Variants in ARID5B observed in about 807,000 individuals in gnomAD.
ARID5B encodes the protein AT-rich interactive domain-containing protein 5B.
Under a neutral mutation model 97.2 loss-of-function variants are expected in ARID5B, and 13 were observed. The ratio of observed to expected loss-of-function variants is 0.13; its 90% CI spans 0.09 to 0.21. ARID5B has a LOEUF of 0.21. Among genes scored for constraint, ARID5B ranks in the 10% least tolerant of loss-of-function variants. The pLI, the probability that ARID5B is intolerant of heterozygous loss-of-function variation, is 1.00. For synonymous variants in ARID5B, 556 were observed against 570.3 expected (o/e 0.97, Z 0.36); for missense variants, 1,210 against 1,465.3 (o/e 0.83, Z 2.84).
chr10:62,012,124 G>T (rs1360557916), intron 4 of ARID5B, among the ~76,000 whole-genome samples: 1 of 152,150 alleles, frequency 6.6e-6, no homozygotes, highest in Admixed American at 6.5e-5. Context: ...CCACTCTTCT[G>T]TGAGCATGTA....
intron 3 of ARID5B, among the ~76,000 whole-genome samples, chr10:61,984,906 C>T (rs1203604295): frequency 1.3e-5 from 2 of 152,148 alleles, no homozygotes; most frequent in Non-Finnish European, 2.9e-5. Context: ...CAGATCTATT[C>T]TCCAGGCCTC....
chr10:62,059,196 G>T (rs554330965), intron 6 of ARID5B, 47 bp from the exon 7 acceptor site: 1 of 1,401,338 alleles, frequency 7.1e-7, no homozygotes, highest in Non-Finnish European at 9.8e-7. Context: ...TTTCTTGGAA[G>T]TATGTTAATG....
At chr10:62,041,749 G>A (rs2393740) in intron 4 of ARID5B, among the ~76,000 whole-genome samples, 150,270 of 152,348 alleles carry the variant, frequency 0.99, 74,146 homozygotes, top group East Asian at 1. Context: ...TAGCAAATCA[G>A]TTATCCTCAA....
In ARID5B at chr10:62,057,152, G is replaced by A. The variant is rs554015417; in HGVS notation, c.882G>A (p.Pro294=). The change falls in exon 6 of 10, where the codon CCG becomes CCA. Residue 294 remains proline, a synonymous_variant. Coordinates refer to ENST00000279873, the MANE Select transcript of ARID5B (RefSeq NM_032199.3). ...AGGCCAGGTCAGCCTTGACCAAGCCGAAGAATAACCATAACTGTAAAAAAG... is the reference window on the plus strand; with the variant it reads ...AGGCCAGGTCAGCCTTGACCAAGCCAAAGAATAACCATAACTGTAAAAAAG... ...KCEARSALTK[P]KNNHNCKKVS... 9.9e-6 allele frequency: 16 copies of A among 1,613,380 alleles called. No homozygotes were observed. In the East Asian group the frequency reaches 1.8e-4, roughly 18 times the overall value.
chr10:61,935,949 T>C (rs566019622), intron 2 of ARID5B, among the ~76,000 whole-genome samples: 2 of 152,332 alleles, frequency 1.3e-5, no homozygotes, highest in South Asian at 4.1e-4. Flanking sequence ...TCACATCGTT[T>C]CTGGAAAACC....
intron 3 of ARID5B, among the ~76,000 whole-genome samples, chr10:61,950,765 T>C (rs1317025212): frequency 6.6e-6 from 1 of 152,236 alleles, no homozygotes; most frequent in African/African-American, 2.4e-5. Flanking sequence ...AGGTGCATGA[T>C]GCTTTTATTT....
rs1840439238 is a variant in ARID5B at position 62,094,683 on chromosome 10, A to C, written c.*1653A>C. The C allele has an allele frequency of 4.3e-6, 1 of 231,208 alleles. No homozygotes were observed. The allele number at this position is 231,208 out of a possible 1,614,324, so 14.3% of individuals were successfully genotyped here. A position where few individuals can be genotyped will look rare whatever the true frequency, so the allele number is the denominator to read the frequency against. On this transcript the variant is annotated 3_prime_UTR_variant, in exon 10 of 10. Coordinates refer to ENST00000279873, the MANE Select transcript of ARID5B (RefSeq NM_032199.3). ...GGTGGACACATTTTCTAACTGTATTAATTAAAAGTCAATGGATACAGAGAG... is the reference window on the plus strand; with the variant it reads ...GGTGGACACATTTTCTAACTGTATTCATTAAAAGTCAATGGATACAGAGAG...
chr10:62,055,047 C>CA (rs1410142718), intron 5 of ARID5B, among the ~76,000 whole-genome samples: 3 of 152,160 alleles, frequency 2.0e-5, no homozygotes, highest in Admixed American at 2.0e-4. Flanking sequence ...GCTCAATATA[C>CA]AATAGGAGGA....
chr10:62,042,606 T>C (rs1383606437), intron 4 of ARID5B, among the ~76,000 whole-genome samples: 1 of 152,174 alleles, frequency 6.6e-6, no homozygotes, highest in Admixed American at 6.5e-5. Context: ...CCCTGATGTC[T>C]CTTTATAGAA....
At chr10:61,993,581 T>C (rs1838957298) in intron 3 of ARID5B, among the ~76,000 whole-genome samples, 1 of 152,200 alleles carries the variant, frequency 6.6e-6, no homozygotes, top group South Asian at 2.1e-4. Flanking sequence ...GTAGCTACTC[T>C]TATCTGTAGA....
At chr10:62,066,981 A>G (rs1839997929) in intron 7 of ARID5B, among the ~76,000 whole-genome samples, 1 of 152,096 alleles carries the variant, frequency 6.6e-6, no homozygotes, top group African/African-American at 2.4e-5. Flanking sequence ...TGCCTAATAA[A>G]TGGGCGATGT....
Position 62,091,853 on chromosome 10 carries a change from C to T in ARID5B, c.2390C>T (p.Ala797Val). Reference sequence around the variant, plus strand: ...TCCAAGCATCACCTTAACCCCCTTGCTGACTCCTACGTCCTGAAGCAAGAA... The same window carrying T: ...TCCAAGCATCACCTTAACCCCCTTGTTGACTCCTACGTCCTGAAGCAAGAA... The part of the protein sequence containing the change: ...SFSKHHLNPL[A>V]DSYVLKQEIQ... The change falls in exon 10 of 10, where the codon GCT becomes GTT. Residue 797 changes from alanine (A) to valine (V), a missense_variant. Coordinates refer to ENST00000279873, the MANE Select transcript of ARID5B (RefSeq NM_032199.3). 6.2e-7 allele frequency: 1 copy of T among 1,614,108 alleles called. No homozygotes were observed. The highest frequency in any genetic ancestry group is 8.5e-7 in the Non-Finnish European group (1 of 1,180,018).
chr10:62,055,922 T>C (rs1266741998), intron 5 of ARID5B, among the ~76,000 whole-genome samples: 1 of 152,148 alleles, frequency 6.6e-6, no homozygotes, highest in Non-Finnish European at 1.5e-5. Context: ...ATGGACAGCA[T>C]TGTAGAATAT....
At position 62,000,327 on chromosome 10, in the gene ARID5B, TC is replaced by T; in HGVS notation, c.733+7del. 1.3e-6 allele frequency: 2 copies of T among 1,556,496 alleles called. No individual in the cohort carries two copies. The highest frequency in any genetic ancestry group is 1.7e-4 in the Middle Eastern group (1 of 5,844). ...GAGTATATGCGATGAGTTTGGTGAG[TC>T]TTTTTTTTTTTTTCCTACCTGATTC... On this transcript the variant is annotated splice_region_variant and intron_variant, in intron 4 of 9. Transcript: ENST00000279873. The surrounding 1 kb of genome is among the most constrained non-coding windows in gnomAD (Gnocchi z 4.4).
intron 2 of ARID5B, among the ~76,000 whole-genome samples, chr10:61,938,964 A>AGAGTGTGT (rs1844352239): frequency 8.0e-6 from 1 of 125,152 alleles, no homozygotes; most frequent in Non-Finnish European, 1.7e-5. Flanking sequence ...GAATTGGAGA[A>AGAGTGTGT]GTGTGTGTGT....
At chr10:61,955,165 T>A (rs1462294293) in intron 3 of ARID5B, among the ~76,000 whole-genome samples, 1 of 152,190 alleles carries the variant, frequency 6.6e-6, no homozygotes, top group Non-Finnish European at 1.5e-5. Context: ...AAGACTGACT[T>A]CTTGTTTATA....
chr10:62,027,285 C>CCTTTTTTTT (rs1839433113), intron 4 of ARID5B, among the ~76,000 whole-genome samples: 1 of 67,370 alleles, frequency 1.5e-5, no homozygotes, highest in African/African-American at 5.8e-5. Flanking sequence ...ACAGTATCTC[C>CCTTTTTTTT]TTTTTTTTTT....
Position 61,950,538 on chromosome 10 carries a change from C to T in ARID5B, c.502+10130C>T, listed in dbSNP as rs117988152. 8.2e-3 allele frequency among the ~76,000 whole-genome samples: 1,242 copies of T among 152,200 alleles called. 6 individuals are homozygous for T. Among genetic ancestry groups the T allele is most frequent in the Non-Finnish European group, 0.013 (883 of 68,000 alleles). On this transcript the variant is annotated intron_variant, in intron 3 of 9. Coordinates refer to ENST00000279873, the MANE Select transcript of ARID5B (RefSeq NM_032199.3). The stretch of plus-strand genomic sequence containing the variant: ...TTTAAAAATTAGCTGAGTTTGGTGA[C>T]GCCCAACTGTAGCCCCAGCTACTCA...
chr10:61,995,585 A>G (rs1270410938), intron 3 of ARID5B, among the ~76,000 whole-genome samples: 1 of 152,120 alleles, frequency 6.6e-6, no homozygotes, highest in Non-Finnish European at 1.5e-5. Context: ...CCAAACTCAA[A>G]ATTTTATACT....
Sources: gnomAD v4.1 joint callset for allele counts (sites outside exome capture counted in the v4.1 genomes callset) on GRCh38, gnomAD v4.1.1 for gene constraint, Gnocchi (gnomAD v3.1) non-coding constraint, MANE v1.5 for transcripts, NCBI Gene and HGNC (gene_info 2026-07-23, HGNC 2026-07-21) for gene names.